Variants in BNC1 observed in about 807,000 individuals in gnomAD.
BNC1 encodes zinc finger protein basonuclin-1.
Under a neutral mutation model 66.5 loss-of-function variants are expected in BNC1, and 8 were observed. The ratio of observed to expected loss-of-function variants is 0.12; its 90% CI spans 0.07 to 0.22. The LOEUF (loss-of-function observed/expected upper bound fraction) is 0.22. Among genes scored for constraint, BNC1 ranks in the 10% least tolerant of loss-of-function variants. The pLI is 1.00. For missense variants in BNC1, 1,069 were observed against 1,241.3 expected, an observed-to-expected ratio of 0.86 and a Z score of 2.09; for synonymous variants, 454 against 452.6, an observed-to-expected ratio of 1.00 and a Z score of -0.04.
At chr15:83,265,475 T>C (rs1010969831) in intron 3 of BNC1, among the ~76,000 whole-genome samples, 3 of 152,238 alleles carry the variant, frequency 2.0e-5, no homozygotes, top group African/African-American at 7.2e-5. Context: ...TGTAAGAGTT[T>C]TGAAGATGAT....
At chr15:83,266,368 A>C (rs6602970) in intron 3 of BNC1, among the ~76,000 whole-genome samples, 1 of 151,938 alleles carries the variant, frequency 6.6e-6, no homozygotes, top group African/African-American at 2.4e-5. Context: ...ATAGAGCCTA[A>C]GAAGGAAGAA....
chr15:83,263,048 C>T lies in BNC1; in HGVS notation c.2203G>A (p.Val735Met), dbSNP rs746726371. ...TGCATATTCTTGTGATGAATTTTCA[C>T]ACTACAAGCATTTTTAAAGGTCTTC... ...CKKTFKNACS[V>M]KIHHKNMHVK... Residue 735 changes from valine to methionine, a missense_variant, in exon 4 of 5, where the codon GTG (valine) becomes ATG (methionine). Transcript: ENST00000345382. 4 of 1,614,192 alleles carry T rather than the reference C, an allele frequency of 2.5e-6. No individual in the cohort carries two copies. In the South Asian group the frequency reaches 3.3e-5, roughly 13 times the overall value.
At chr15:83,270,931 C>T (rs979257138) in intron 1 of BNC1, among the ~76,000 whole-genome samples, 3 of 152,164 alleles carry the variant, frequency 2.0e-5, no homozygotes, top group Non-Finnish European at 4.4e-5. Flanking sequence ...CTCAACTGTA[C>T]ACTCTGTAAG....
At chr15:83,272,203 T>A (rs1232470935) in intron 1 of BNC1, among the ~76,000 whole-genome samples, 1 of 152,234 alleles carries the variant, frequency 6.6e-6, no homozygotes, top group Non-Finnish European at 1.5e-5. Flanking sequence ...TTTTGGATTA[T>A]ATCCCTCAAA....
At chr15:83,271,366 C>T (rs933516808) in intron 1 of BNC1, among the ~76,000 whole-genome samples, 1 of 152,156 alleles carries the variant, frequency 6.6e-6, no homozygotes, top group African/African-American at 2.4e-5. Flanking sequence ...TGCAGCTAGG[C>T]ATTTTCAGGT....
At chr15:83,268,112 G>A in intron 2 of BNC1, 21 bp downstream of exon 2, 1 of 1,597,764 alleles carries the variant, frequency 6.3e-7, no homozygotes. Context: ...CAGGCCAAGA[G>A]AGGGTGAAAA....
chr15:83,261,141 G>A (rs963753593), intron 4 of BNC1, among the ~76,000 whole-genome samples: 1 of 152,108 alleles, frequency 6.6e-6, no homozygotes, highest in Admixed American at 6.5e-5. Context: ...AAGATAATAT[G>A]ACCAACATGA....
intron 1 of BNC1, among the ~76,000 whole-genome samples, chr15:83,283,903 T>C (rs1342407215): frequency 6.6e-6 from 1 of 152,156 alleles, no homozygotes; most frequent in East Asian, 1.9e-4. Flanking sequence ...GGGTTTGTTT[T>C]GTTTTTTGTT....
intron 2 of BNC1, 122 bp downstream of exon 2, chr15:83,268,011 G>T: frequency 1.3e-6 from 1 of 763,356 alleles, no homozygotes; most frequent in Non-Finnish European, 2.2e-6. Flanking sequence ...CCTGGGACAT[G>T]CTAGTAACTT....
chr15:83,283,996 C>A (rs1016503546), intron 1 of BNC1, among the ~76,000 whole-genome samples: 3 of 152,132 alleles, frequency 2.0e-5, no homozygotes, highest in Non-Finnish European at 2.9e-5. Flanking sequence ...CAGTTCTCCT[C>A]AGTGACCGGA....
chr15:83,283,732 G>C (rs1380847698), intron 1 of BNC1, among the ~76,000 whole-genome samples: 1 of 152,226 alleles, frequency 6.6e-6, no homozygotes, highest in African/African-American at 2.4e-5. Context: ...CTTTCTGAAA[G>C]ACGGGCCACC....
At chr15:83,262,719 A>C (rs182526442) in intron 4 of BNC1, among the ~76,000 whole-genome samples, 27 of 152,274 alleles carry the variant, frequency 1.8e-4, no homozygotes, top group Middle Eastern at 3.4e-3. Flanking sequence ...GAAATATGAA[A>C]ATTCATACAA....
At chr15:83,274,616 A>C (rs1466566236) in intron 1 of BNC1, among the ~76,000 whole-genome samples, 1 of 152,184 alleles carries the variant, frequency 6.6e-6, no homozygotes, top group African/African-American at 2.4e-5. Context: ...ATCTATTTTA[A>C]ACCTCACTAC....
At chr15:83,267,852 A>G (rs1456781458) in intron 2 of BNC1, among the ~76,000 whole-genome samples, 2 of 152,222 alleles carry the variant, frequency 1.3e-5, no homozygotes, top group Admixed American at 1.3e-4. Context: ...ATCCTAGCCT[A>G]GAGGCTGTAA....
rs1468610778 is a variant in BNC1, at chr15:83,281,845, G to A, written c.99+2685C>T. On this transcript the variant is annotated intron_variant, in intron 1 of 4. Transcript: ENST00000345382. ...ATGGCTTTTCTCTCTCATCTATCGG[G>A]TTGGATCGTCTTTCCAATCTGATGA... is the stretch of plus-strand genomic sequence containing the variant. Among the ~76,000 whole-genome samples the A allele has an allele frequency of 2.6e-5, 4 of 152,182 alleles. No individual in the cohort carries two copies. The South Asian group carries it at 6.2e-4, about 24-fold the overall frequency.
intron 3 of BNC1, among the ~76,000 whole-genome samples, chr15:83,266,596 T>C (rs1405287097): frequency 3.9e-5 from 6 of 151,970 alleles, no homozygotes; most frequent in Non-Finnish European, 8.8e-5. Flanking sequence ...GAAGAGGTAG[T>C]TTAGTAAAAG....
At chr15:83,259,518 G>C (rs1412132185) in intron 4 of BNC1, among the ~76,000 whole-genome samples, 1 of 152,102 alleles carries the variant, frequency 6.6e-6, no homozygotes, top group African/African-American at 2.4e-5. Context: ...TATACTCCCA[G>C]ATCACCCACT....
At position 83,257,307 on chromosome 15, in the gene BNC1, G is replaced by A. The variant is rs1266931997; in HGVS notation, c.*135C>T. The A allele has an allele frequency of 9.5e-6, 10 of 1,053,574 alleles. No individual in the cohort carries two copies. The highest frequency in any genetic ancestry group is 1.2e-5 in the Non-Finnish European group (9 of 726,602). 65.3% of individuals were successfully genotyped at this position (1,053,574 alleles called of 1,614,324 possible). A position where few individuals can be genotyped will look rare whatever the true frequency, so the allele number is the denominator to read the frequency against. ...GTTTGTCTTTTGCTCATTGTGCTGT[G>A]GAAAACTATAAAGTCAAATCAAATA... is the stretch of plus-strand genomic sequence containing the variant. On this transcript the variant is annotated 3_prime_UTR_variant, in exon 5 of 5. Transcript: ENST00000345382.
In BNC1 at chr15:83,264,773, T is replaced by C. The variant is rs1298782545; in HGVS notation, c.478A>G (p.Ser160Gly). The stretch of plus-strand genomic sequence containing the variant: ...TGCAAGGTGGCCACTTCTTCCTCAC[T>C]GGTCATGATGCTCCAGTGATCCAAC... ...KVLDHWSIMT[S>G]EEEVATLQQF... Residue 160 changes from serine to glycine, a missense_variant, in exon 4 of 5, where the codon AGT becomes GGT. Transcript: ENST00000345382. 4 of 1,614,072 alleles carry C rather than the reference T, an allele frequency of 2.5e-6. No individual in the cohort carries two copies. The Admixed American group carries it at 6.7e-5, about 27-fold the overall frequency.
Sources: gnomAD v4.1 joint callset for allele counts (sites outside exome capture counted in the v4.1 genomes callset) on GRCh38, gnomAD v4.1.1 for gene constraint, MANE v1.5 for transcripts, NCBI Gene and HGNC (gene_info 2026-07-23, HGNC 2026-07-21) for gene names.